BAZ1A: variants seen among roughly 807,000 people sequenced by gnomAD.
The protein encoded by BAZ1A is bromodomain adjacent to zinc finger domain protein 1A.
In BAZ1A, 50 loss-of-function variants were observed where a neutral mutation model predicts 185.2. The observed-to-expected ratio is 0.27, with a 90% CI of 0.22 to 0.34. BAZ1A has a LOEUF of 0.34. BAZ1A is among the 10% of genes least tolerant of loss of function. The pLI, the probability that BAZ1A is intolerant of heterozygous loss-of-function variation, is 1.00. For synonymous variants in BAZ1A, 571 were observed against 615.6 expected, an observed-to-expected ratio of 0.93 and a Z score of 1.07; for missense variants, 1,356 against 1,839.9, an observed-to-expected ratio of 0.74 and a Z score of 4.81.
intron 20 of BAZ1A, among the ~76,000 whole-genome samples, 187 bp from the exon 21 acceptor site, chr14:34,771,846 G>A (rs1464229240): frequency 1.3e-5 from 2 of 152,164 alleles, no homozygotes; most frequent in Non-Finnish European, 1.5e-5. Context: ...ATATTTGAAG[G>A]AGAGAAAGAA....
At chr14:34,828,308 A>AAC (rs1180062240) in intron 3 of BAZ1A, among the ~76,000 whole-genome samples, 1 of 151,698 alleles carries the variant, frequency 6.6e-6, no homozygotes, top group East Asian at 1.9e-4. Context: ...AAAAAAAAAA[A>AAC]AAAAAAATAC....
intron 17 of BAZ1A, among the ~76,000 whole-genome samples, chr14:34,779,665 C>A (rs1566557055): frequency 6.6e-6 from 1 of 152,136 alleles, no homozygotes; most frequent in Non-Finnish European, 1.5e-5. Context: ...GTATTAACAA[C>A]TTTTAAAAGA....
chr14:34,816,119 G>T (rs1437108582), intron 4 of BAZ1A, among the ~76,000 whole-genome samples: 1 of 110,814 alleles, frequency 9.0e-6, no homozygotes, highest in African/African-American at 3.6e-5. Flanking sequence ...ATAGTGTCTC[G>T]CTCTGTCACC....
chr14:34,818,950 G>T (rs1195367641), intron 4 of BAZ1A, among the ~76,000 whole-genome samples: 2 of 151,856 alleles, frequency 1.3e-5, no homozygotes, highest in African/African-American at 2.4e-5. Context: ...GACCATCCTG[G>T]CTAATCCGGT....
intron 3 of BAZ1A, among the ~76,000 whole-genome samples, chr14:34,854,424 A>G (rs2042642816): frequency 6.6e-6 from 1 of 152,268 alleles, no homozygotes; most frequent in African/African-American, 2.4e-5. Flanking sequence ...TCCATCTCGA[A>G]ATAAAATAAA....
intron 3 of BAZ1A, among the ~76,000 whole-genome samples, chr14:34,849,002 A>G (rs1313663741): frequency 6.6e-6 from 1 of 152,244 alleles, no homozygotes; most frequent in African/African-American, 2.4e-5. Context: ...AAAACCGATC[A>G]GAAACAGCAC....
At chr14:34,757,641 G>C (rs1886316535) in intron 25 of BAZ1A, among the ~76,000 whole-genome samples, 1 of 151,820 alleles carries the variant, frequency 6.6e-6, no homozygotes, top group African/African-American at 2.4e-5. Context: ...CTCCAGCCGG[G>C]GGACAAAAGC....
chr14:34,846,074 T>C (rs1245931791), intron 3 of BAZ1A, among the ~76,000 whole-genome samples: 1 of 152,156 alleles, frequency 6.6e-6, no homozygotes, highest in African/African-American at 2.4e-5. Flanking sequence ...CTCTTTCATG[T>C]GATGAGCCTA....
At chr14:34,842,193 C>T (rs1317311784) in intron 3 of BAZ1A, among the ~76,000 whole-genome samples, 1 of 152,088 alleles carries the variant, frequency 6.6e-6, no homozygotes, top group African/African-American at 2.4e-5. Flanking sequence ...ACTCAGAATA[C>T]TGCCTACTAC....
At position 34,771,579 on chromosome 14, in the gene BAZ1A, T is replaced by C. The variant is rs1566551387; in HGVS notation, c.3233A>G (p.His1078Arg). Residue 1078 changes from histidine (H) to arginine (R), a missense_variant, in exon 21 of 27, where the codon CAT becomes CGT. Physicochemically the swap from His to Arg is conservative, Grantham distance 29. This residue lies in a region of BAZ1A where 434 missense variants were observed against 561.7 expected (regional missense o/e 0.77). Transcript: ENST00000360310. ...TTGAAAGAGTGCCATTGCCAGATAA[T>C]GAACCACACTGCTCACTGATTGTGG... ...STPQSVSSVV[H>R]YLAMALFQIE... 5 of 1,614,018 alleles carry C rather than the reference T, an allele frequency of 3.1e-6. No individual in the cohort carries two copies. Among genetic ancestry groups the C allele is most frequent in the Non-Finnish European group, 4.2e-6 (5 of 1,180,020 alleles).
chr14:34,774,507 A>G lies in BAZ1A; in HGVS notation c.2834-17T>C. 6.5e-7 allele frequency: 1 copy of G among 1,534,864 alleles called. No individual in the cohort carries two copies. The highest frequency in any genetic ancestry group is 8.8e-7 in the Non-Finnish European group (1 of 1,141,956). On this transcript the variant is annotated splice_polypyrimidine_tract_variant and intron_variant, in intron 18 of 26. Coordinates refer to ENST00000360310, the MANE Select transcript of BAZ1A (RefSeq NM_013448.3). ...GAGGTTTGTCTGAAATAGTAATCAAATACTTTTATTATGATTTTCTTATTA... is the reference window on the plus strand; with the variant it reads ...GAGGTTTGTCTGAAATAGTAATCAAGTACTTTTATTATGATTTTCTTATTA...
intron 2 of BAZ1A, among the ~76,000 whole-genome samples, chr14:34,870,910 T>C (rs563393483): frequency 9.2e-5 from 14 of 152,228 alleles, no homozygotes; most frequent in Non-Finnish European, 1.9e-4. Context: ...ACAGGATGCC[T>C]TGTAAGCTAG....
At chr14:34,792,996 T>C (rs916226623) in intron 11 of BAZ1A, 75 bp from the exon 12 acceptor site, 10 of 1,354,522 alleles carry the variant, frequency 7.4e-6, no homozygotes, top group Non-Finnish European at 1.0e-5. Flanking sequence ...GGAATAAACA[T>C]GTAATCAACA....
intron 11 of BAZ1A, among the ~76,000 whole-genome samples, chr14:34,794,397 C>A (rs962672726): frequency 1.3e-5 from 2 of 152,176 alleles, no homozygotes; most frequent in Non-Finnish European, 2.9e-5. Flanking sequence ...TTCCACAATC[C>A]TGTTGAATCC....
chr14:34,762,011 CT>C lies in BAZ1A; in HGVS notation c.3988del (p.Arg1330GlufsTer62). 1 of 1,614,198 alleles carries C rather than the reference CT, an allele frequency of 6.2e-7. No homozygotes were observed. Among genetic ancestry groups the C allele is most frequent in the Non-Finnish European group, 8.5e-7 (1 of 1,180,036 alleles). On this transcript the variant is annotated frameshift_variant, in exon 24 of 27. Coordinates refer to ENST00000360310, the MANE Select transcript of BAZ1A (RefSeq NM_013448.3). LOFTEE classifies it high-confidence loss of function. ...GTGGCGAGTAGAACGACTGGCAATT[CT>C]TAAAGATTTTGTTTCTGTAGGAGGA... ...SAPPTETKSL[R>X]IASRSTRHSH... is the part of the protein sequence containing the mutation.
chr14:34,759,184 T>TGTTGTTTTTTTTTG (rs1555336964), intron 24 of BAZ1A, among the ~76,000 whole-genome samples: 1 of 108,108 alleles, frequency 9.3e-6, no homozygotes, highest in East Asian at 2.8e-4. Context: ...TTTTTTTTTT[T>TGTTGTTTTTTTTTG]TTTTTTTTTT....
At chr14:34,764,293 T>C (rs1039922842) in intron 23 of BAZ1A, among the ~76,000 whole-genome samples, 2 of 144,164 alleles carry the variant, frequency 1.4e-5, no homozygotes, top group Non-Finnish European at 3.0e-5. Flanking sequence ...TCTTTTCTTT[T>C]TTTTTTTTTT....
rs1297353922 is a variant in BAZ1A, at chr14:34,754,862, C to T, written c.4439G>A (p.Arg1480His). ...IKKPIALNII[R>H]EKVNKCEYKL... ...ATATTCACACTTATTCACTTTTTCA[C>T]GAATTATATTTAAGGCAATGGGCTT... is the stretch of plus-strand genomic sequence containing the variant. Residue 1480 changes from arginine (R) to histidine (H), a missense_variant, in exon 26 of 27, where the codon CGT (arginine) becomes CAT (histidine). Around this residue, in one of 7 missense-constraint regions of BAZ1A, gnomAD observed 61 missense variants for 117.9 expected, o/e 0.52. Coordinates refer to ENST00000360310, the MANE Select transcript of BAZ1A (RefSeq NM_013448.3). 1.9e-5 allele frequency: 31 copies of T among 1,602,050 alleles called. No individual in the cohort carries two copies. Among genetic ancestry groups the T allele is most frequent in the Non-Finnish European group, 2.4e-5 (28 of 1,174,148 alleles).
At chr14:34,824,408 C>A (rs939007408) in intron 4 of BAZ1A, among the ~76,000 whole-genome samples, 512 of 65,546 alleles carry the variant, frequency 7.8e-3, no homozygotes, top group East Asian at 0.019. Flanking sequence ...AGCAGCAACT[C>A]AAAAAAAAAA....
Sources: gnomAD v4.1 joint callset for allele counts (sites outside exome capture counted in the v4.1 genomes callset) on GRCh38, gnomAD v4.1.1 for gene constraint, gnomAD v4.1.1 regional missense constraint, MANE v1.5 for transcripts, NCBI Gene and HGNC (gene_info 2026-07-23, HGNC 2026-07-21) for gene names.